The following LCT variants were observed in gnomAD, a reference collection of about 807,000 sequenced individuals.
LCT encodes the protein lactase/phlorizin hydrolase.
In LCT, 90 loss-of-function variants were observed where a neutral mutation model predicts 173.0. The ratio of observed to expected loss-of-function variants is 0.52; its 90% CI spans 0.44 to 0.62. The LOEUF is 0.62. Ranked by LOEUF, LCT falls within the 20% of genes least tolerant of loss-of-function variation. The pLI is 0.00. For synonymous variants in LCT, 853 were observed against 957.6 expected (o/e 0.89, Z 2.02); for missense variants, 1,864 against 2,431.4 (o/e 0.77, Z 4.91).
At chr2:135,813,506 C>T (rs1245493759) in intron 6 of LCT, among the ~76,000 whole-genome samples, 1 of 152,190 alleles carries the variant, frequency 6.6e-6, no homozygotes, top group Non-Finnish European at 1.5e-5. Context: ...ATATTGGGCA[C>T]CTACTACTTA....
In LCT at chr2:135,809,854, G is replaced by C. The variant is rs760018946; in HGVS notation, c.2493C>G (p.Pro831=). 6.2e-7 allele frequency: 1 copy of C among 1,614,180 alleles called. No homozygotes were observed. The highest frequency in any genetic ancestry group is 2.2e-5 in the East Asian group (1 of 44,888). Residue 831 remains proline (P), a synonymous_variant, in exon 8 of 17, where the codon CCC becomes CCG. Coordinates refer to ENST00000264162, the MANE Select transcript of LCT (RefSeq NM_002299.4). This position sits in a 1 kb window ranked among gnomAD's most constrained non-coding sequence, Gnocchi z 5.5. Reference sequence around the variant, plus strand: ...TAGTGAAAAAGTAGGCAGATTTCCTGGGAGTCCTTGACTTGCTGCTGTCGC... The same window carrying C: ...TAGTGAAAAAGTAGGCAGATTTCCTCGGAGTCCTTGACTTGCTGCTGTCGC... ...NFSDSSKSRT[P]RKSAYFFTSI... is the part of the protein sequence containing the mutation.
chr2:135,794,054 A>G (rs1297921338), intron 14 of LCT, among the ~76,000 whole-genome samples: 1 of 151,582 alleles, frequency 6.6e-6, no homozygotes, highest in Non-Finnish European at 1.5e-5. Flanking sequence ...CAGGGGAATC[A>G]CTGGAACCCG....
Position 135,804,006 on chromosome 2 carries a change from C to T in LCT, c.4587G>A (p.Lys1529=). The change falls in exon 11 of 17, where the codon AAG becomes AAA. Residue 1529 remains lysine (K), a synonymous_variant. Transcript: ENST00000264162. ...ADVLFQRLGD[K]VKFWITLNEP... ...CATTCAGCGTGATCCAAAACTTCAC[C>T]TTGTCTCCCAGCCTCTGGAAGAGCA... 3 of 1,614,172 alleles carry T rather than the reference C, an allele frequency of 1.9e-6. No homozygotes were observed. Among genetic ancestry groups the T allele is most frequent in the Non-Finnish European group, 2.5e-6 (3 of 1,179,998 alleles).
chr2:135,810,050 G>T, intron 7 of LCT, 57 bp from the exon 8 acceptor site: 1 of 1,271,728 alleles, frequency 7.9e-7, no homozygotes, highest in Non-Finnish European at 1.1e-6. Flanking sequence ...TAATTGAGAT[G>T]GGGTCTCACT....
intron 1 of LCT, among the ~76,000 whole-genome samples, chr2:135,833,643 G>T (rs75620813): frequency 4.0e-5 from 6 of 150,236 alleles, no homozygotes; most frequent in Non-Finnish European, 5.9e-5. Flanking sequence ...AGACGGAGTT[G>T]CACCGGGTTA....
In LCT at chr2:135,809,310, A is replaced by G. The variant is rs751570539; in HGVS notation, c.3037T>C (p.Phe1013Leu). 3 of 1,614,230 alleles carry G rather than the reference A, an allele frequency of 1.9e-6. No homozygotes were observed. Among genetic ancestry groups the G allele is most frequent in the South Asian group, 2.2e-5 (2 of 91,088 alleles). Reference protein sequence around the residue: ...LINGLVASNIFPMVTLFHWDL... With the variant: ...LINGLVASNILPMVTLFHWDL... ...CAATGGAACAATGTCACCATGGGAA[A>G]GATGTTGCTTGCCACCAAGCCATTG... The change falls in exon 8 of 17, where the codon TTT becomes CTT. Residue 1013 changes from phenylalanine (F) to leucine (L), a missense_variant. Physicochemically the swap from Phe to Leu is conservative, Grantham distance 22. Transcript: ENST00000264162. The surrounding 1 kb of genome is among the most constrained non-coding windows in gnomAD (Gnocchi z 5.5).
At chr2:135,834,272 G>A (rs756302228) in intron 1 of LCT, among the ~76,000 whole-genome samples, 29 of 151,670 alleles carry the variant, frequency 1.9e-4, no homozygotes, top group Non-Finnish European at 3.4e-4. Flanking sequence ...TGCAACCTCC[G>A]CCTCCCAGGT....
At chr2:135,828,870 T>A (rs2077908643) in intron 3 of LCT, among the ~76,000 whole-genome samples, 1 of 152,108 alleles carries the variant, frequency 6.6e-6, no homozygotes. Flanking sequence ...TTTGTTTTTT[T>A]AAAAATGTGG....
intron 13 of LCT, among the ~76,000 whole-genome samples, chr2:135,795,033 ACGCGCG>A (rs150578954): frequency 6.7e-6 from 1 of 148,430 alleles, no homozygotes; most frequent in Non-Finnish European, 1.5e-5. Context: ...ACACGCACCC[ACGCGCG>A]CGCGCGCACA....
chr2:135,800,727 G>A lies in LCT; in HGVS notation c.4746C>T (p.Tyr1582=), dbSNP rs2077619225. ...CTTGACTGGCGCGGTACACATCGTT[G>A]TACAGATGCCAGGCCTCAGCATGAG... ...IKAHAEAWHL[Y]NDVYRASQGG... is the part of the protein sequence containing the mutation. The change falls in exon 12 of 17, where the codon TAC becomes TAT. Residue 1582 remains tyrosine (Y), a synonymous_variant. Coordinates refer to ENST00000264162, the MANE Select transcript of LCT (RefSeq NM_002299.4). The A allele has an allele frequency of 1.2e-6, 2 of 1,614,130 alleles. No homozygotes were observed. Among genetic ancestry groups the A allele is most frequent in the Middle Eastern group, 1.7e-4 (1 of 6,034 alleles).
intron 16 of LCT, 102 bp downstream of exon 16, chr2:135,789,469 A>G (rs2077517264): frequency 1.3e-6 from 1 of 789,306 alleles, no homozygotes; most frequent in Admixed American, 2.0e-5. Context: ...GAGATGGGGC[A>G]GCAGAGAGGA....
At chr2:135,798,207 G>T in intron 12 of LCT, 69 bp from the exon 13 acceptor site, 1 of 843,890 alleles carries the variant, frequency 1.2e-6, no homozygotes, top group Non-Finnish European at 2.1e-6. Flanking sequence ...CATCGTCCCC[G>T]CTCAGAAGTG....
At chr2:135,794,594 TC>T in intron 14 of LCT, 46 bp downstream of exon 14, 1 of 1,605,668 alleles carries the variant, frequency 6.2e-7, no homozygotes, top group Non-Finnish European at 8.5e-7. Context: ...AGGGCACCTT[TC>T]TGCCTTTTCC....
At position 135,817,324 on chromosome 2, in the gene LCT, G is replaced by T. The variant is rs1164439141; in HGVS notation, c.1707+17C>A. ...CTTTCTCCTCCAATTAGTAGGAGCT[G>T]CAGGGTTGGGAAGTACCTTAAAAGA... On this transcript the variant is annotated intron_variant, in intron 6 of 16. Coordinates refer to ENST00000264162, the MANE Select transcript of LCT (RefSeq NM_002299.4). The T allele has an allele frequency of 2.5e-6, 4 of 1,612,388 alleles. No homozygotes were observed. The highest frequency in any genetic ancestry group is 3.4e-6 in the Non-Finnish European group (4 of 1,178,948).
intron 6 of LCT, among the ~76,000 whole-genome samples, chr2:135,814,201 C>T (rs1388566893): frequency 1.3e-5 from 2 of 152,174 alleles, no homozygotes; most frequent in Non-Finnish European, 2.9e-5. Flanking sequence ...TCAAAATATG[C>T]CATAATCACT....
At position 135,812,405 on chromosome 2, in the gene LCT, G is replaced by A. The variant is rs773251848; in HGVS notation, c.2259C>T (p.Ala753=). ...TTTCCCCTATGGGCATGCCATTCCC[G>A]GCAAGGTATATTGGAACTTTTCCTC... is the stretch of plus-strand genomic sequence containing the variant. ...YTRGKVPIYL[A]GNGMPIGESE... Residue 753 remains alanine (A), a synonymous_variant, in exon 7 of 17, where the codon GCC becomes GCT. Coordinates refer to ENST00000264162, the MANE Select transcript of LCT (RefSeq NM_002299.4). The A allele has an allele frequency of 6.8e-6, 11 of 1,613,940 alleles. No individual in the cohort carries two copies. The highest frequency in any genetic ancestry group is 5.0e-5 in the Admixed American group (3 of 59,988).
chr2:135,811,915 C>A (rs1334288956), intron 7 of LCT, among the ~76,000 whole-genome samples: 3 of 148,534 alleles, frequency 2.0e-5, no homozygotes, highest in Non-Finnish European at 4.5e-5. Flanking sequence ...GACCCCATGT[C>A]TAAAAAAAAA....
chr2:135,814,000 C>G (rs747001805), intron 6 of LCT, among the ~76,000 whole-genome samples: 2 of 152,160 alleles, frequency 1.3e-5, no homozygotes, highest in Non-Finnish European at 2.9e-5. Flanking sequence ...ACAATTTATT[C>G]TCTCAACTTC....
Position 135,823,957 on chromosome 2 carries a change from G to T in LCT, c.851C>A (p.Pro284Gln), listed in dbSNP as rs767194079. Reference protein sequence around the residue: ...VKVFIFNLKLPDCPSTMKNPA... With the variant: ...VKVFIFNLKLQDCPSTMKNPA... ...GTTCTTCATGGTGGAGGGGCAGTCTGGGAGTTTTAGGTTGAAGATGAAAAC... is the reference window on the plus strand; with the variant it reads ...GTTCTTCATGGTGGAGGGGCAGTCTTGGAGTTTTAGGTTGAAGATGAAAAC... Residue 284 changes from proline to glutamine, a missense_variant, in exon 4 of 17, where the codon CCA (proline) becomes CAA (glutamine). Around this residue, in one of 4 missense-constraint regions of LCT, gnomAD observed 412 missense variants for 462.0 expected, o/e 0.89. Coordinates refer to ENST00000264162, the MANE Select transcript of LCT (RefSeq NM_002299.4). 7.4e-6 allele frequency: 12 copies of T among 1,613,946 alleles called. No individual in the cohort carries two copies. The highest frequency in any genetic ancestry group is 1.0e-5 in the Non-Finnish European group (12 of 1,179,940).
Sources: allele counts gnomAD v4.1 joint callset (sites outside exome capture counted in the v4.1 genomes callset), GRCh38; gene constraint gnomAD v4.1.1; regional missense constraint gnomAD v4.1.1; non-coding constraint Gnocchi (gnomAD v3.1); transcripts MANE v1.5; gene names NCBI Gene and HGNC (gene_info 2026-07-23, HGNC 2026-07-21).